FER1L6: variants seen among roughly 807,000 people sequenced by gnomAD.
FER1L6 encodes fer-1-like protein 6.
Under a neutral mutation model 219.2 loss-of-function variants are expected in FER1L6, and 177 were observed. The ratio of observed to expected loss-of-function variants is 0.81; its 90% CI spans 0.71 to 0.91. The LOEUF is 0.91. Ranked by LOEUF, FER1L6 falls within the 40% of genes least tolerant of loss-of-function variation. The pLI is 0.00. For synonymous variants in FER1L6, 768 were observed against 824.3 expected (o/e 0.93, Z 1.17); for missense variants, 2,153 against 2,259.9 (o/e 0.95, Z 0.96).
chr8:123,906,195 T>C (rs1358225340), intron 1 of FER1L6, among the ~76,000 whole-genome samples: 1 of 152,172 alleles, frequency 6.6e-6, no homozygotes, highest in East Asian at 1.9e-4. Flanking sequence ...CATAACAAAC[T>C]TCAGATTCAA....
At chr8:124,001,093 G>T (rs968325357) in intron 12 of FER1L6, among the ~76,000 whole-genome samples, 3 of 152,140 alleles carry the variant, frequency 2.0e-5, no homozygotes, top group African/African-American at 7.2e-5. Context: ...GATGATTTGG[G>T]GTCTATCCAA....
intron 16 of FER1L6, among the ~76,000 whole-genome samples, chr8:124,021,247 C>T (rs1427861766): frequency 6.6e-6 from 1 of 152,152 alleles, no homozygotes; most frequent in Non-Finnish European, 1.5e-5. Context: ...GGGTGGGACA[C>T]AGCCAAACCA....
chr8:123,945,054 T>C (rs1814427797), intron 1 of FER1L6, among the ~76,000 whole-genome samples: 1 of 152,232 alleles, frequency 6.6e-6, no homozygotes, highest in South Asian at 2.1e-4. Flanking sequence ...GCTTTCCTCA[T>C]TGTTTGTGCA....
chr8:123,927,681 G>A (rs992797134), intron 1 of FER1L6, among the ~76,000 whole-genome samples: 5 of 152,312 alleles, frequency 3.3e-5, no homozygotes, highest in Non-Finnish European at 7.4e-5. Flanking sequence ...TGGGTGGGCA[G>A]GCTGGTATTA....
chr8:123,948,008 T>G (rs1814581668), intron 1 of FER1L6, among the ~76,000 whole-genome samples: 1 of 152,218 alleles, frequency 6.6e-6, no homozygotes, highest in African/African-American at 2.4e-5. Context: ...GGTTTGAGGA[T>G]CAGGTGCTGT....
chr8:123,913,513 G>C (rs1377099478), intron 1 of FER1L6, among the ~76,000 whole-genome samples: 1 of 152,130 alleles, frequency 6.6e-6, no homozygotes. Flanking sequence ...TGGTCTGGCT[G>C]TCAGGTCACC....
At chr8:124,044,585 A>G (rs1293129108) in intron 20 of FER1L6, among the ~76,000 whole-genome samples, 1 of 152,212 alleles carries the variant, frequency 6.6e-6, no homozygotes, top group Non-Finnish European at 1.5e-5. Flanking sequence ...TTGAACAGTG[A>G]CAGACAAAGG....
At chr8:123,946,865 A>G (rs981675425) in intron 1 of FER1L6, among the ~76,000 whole-genome samples, 1 of 152,120 alleles carries the variant, frequency 6.6e-6, no homozygotes, top group Non-Finnish European at 1.5e-5. Flanking sequence ...CACGGAAATG[A>G]CTTTATTATT....
At position 124,104,729 on chromosome 8, in the gene FER1L6, G is replaced by A. The variant is rs187679372; in HGVS notation, c.5289+1420G>A. Among the ~76,000 whole-genome samples the A allele has an allele frequency of 6.0e-3, 917 of 152,284 alleles. 13 individuals are homozygous for A. Among genetic ancestry groups the A allele is most frequent in the Non-Finnish European group, 7.6e-3 (518 of 68,022 alleles). On this transcript the variant is annotated intron_variant, in intron 39 of 40. Transcript: ENST00000522917. Reference sequence around the variant, plus strand: ...ATATTAATAAGCAGTAAATTTAGATGCATGATCATATAATAGCAGCTATTA... The same window carrying A: ...ATATTAATAAGCAGTAAATTTAGATACATGATCATATAATAGCAGCTATTA...
In FER1L6 at chr8:123,870,760, T is replaced by C. The variant is rs140474835; in HGVS notation, c.-8+18575T>C. 1.5e-4 allele frequency among the ~76,000 whole-genome samples: 23 copies of C among 152,296 alleles called. No homozygotes were observed. In the East Asian group the frequency reaches 3.7e-3, roughly 24 times the overall value. The stretch of plus-strand genomic sequence containing the variant: ...GACACCACATAATTGTCAAAACCCA[T>C]AGAACCTTACAGCAGTAAGAGTGGA... On this transcript the variant is annotated intron_variant, in intron 1 of 40. Coordinates refer to ENST00000522917, the MANE Select transcript of FER1L6 (RefSeq NM_001039112.2).
chr8:123,972,598 C>T (rs969570800), intron 6 of FER1L6, among the ~76,000 whole-genome samples: 3 of 152,134 alleles, frequency 2.0e-5, no homozygotes, highest in Non-Finnish European at 4.4e-5. Context: ...CATTCCATTG[C>T]TGGGAAGTTC....
chr8:124,084,576 G>A (rs1452341081), intron 33 of FER1L6, among the ~76,000 whole-genome samples: 1 of 152,058 alleles, frequency 6.6e-6, no homozygotes, highest in African/African-American at 2.4e-5. Flanking sequence ...GATTGATTGT[G>A]TATGTCAAAT....
intron 30 of FER1L6, 91 bp downstream of exon 30, chr8:124,070,689 A>G (rs1821033225): frequency 8.4e-7 from 1 of 1,191,440 alleles, no homozygotes; most frequent in Non-Finnish European, 1.2e-6. Flanking sequence ...GTGGTGTGGG[A>G]TGTGTGTAGG....
intron 26 of FER1L6, among the ~76,000 whole-genome samples, chr8:124,065,136 G>A (rs1319070174): frequency 1.3e-5 from 2 of 152,094 alleles, no homozygotes; most frequent in Admixed American, 1.3e-4. Flanking sequence ...GCTCACACCT[G>A]TAATCCTAGC....
rs78793796 is a variant in FER1L6, at chr8:124,077,207, C to A, written c.4220+882C>A. Among the ~76,000 whole-genome samples the A allele has an allele frequency of 2.3e-3, 345 of 152,358 alleles. 1 individual carries two copies. The highest frequency in any genetic ancestry group is 0.017 in the Middle Eastern group (5 of 294). ...AACAGTGACACCTGACTCTCATATT[C>A]CTTTAGATGATTAAATGTAAAGCAC... is the stretch of plus-strand genomic sequence containing the variant. On this transcript the variant is annotated intron_variant, in intron 32 of 40. Transcript: ENST00000522917.
At chr8:123,901,766 T>A (rs910846845) in intron 1 of FER1L6, among the ~76,000 whole-genome samples, 1 of 152,060 alleles carries the variant, frequency 6.6e-6, no homozygotes, top group African/African-American at 2.4e-5. Flanking sequence ...TTGCCCAGTT[T>A]GGAGTGCAGT....
chr8:123,960,727 G>A (rs1815235108), intron 2 of FER1L6, among the ~76,000 whole-genome samples: 1 of 151,534 alleles, frequency 6.6e-6, no homozygotes, highest in Non-Finnish European at 1.5e-5. Context: ...TTCTGTCGAT[G>A]GAAAATCTCC....
intron 11 of FER1L6, among the ~76,000 whole-genome samples, chr8:123,983,364 G>T (rs1049795142): frequency 2.0e-5 from 3 of 152,006 alleles, no homozygotes; most frequent in Non-Finnish European, 4.4e-5. Context: ...TCTAAAAATG[G>T]GTTCATTTTT....
chr8:124,037,896 T>C (rs1341434256), intron 19 of FER1L6, among the ~76,000 whole-genome samples: 2 of 151,622 alleles, frequency 1.3e-5, no homozygotes, highest in East Asian at 1.9e-4. Flanking sequence ...GTGCCTAAAC[T>C]CTGGTCCTTA....
Sources: gnomAD v4.1 joint callset for allele counts (sites outside exome capture counted in the v4.1 genomes callset) on GRCh38, gnomAD v4.1.1 for gene constraint, MANE v1.5 for transcripts, NCBI Gene and HGNC (gene_info 2026-07-23, HGNC 2026-07-21) for gene names.